TMTC1: variants seen among roughly 807,000 people sequenced by gnomAD.
TMTC1 encodes transmembrane O-mannosyltransferase targeting cadherins 1, also known as protein O-mannosyl-transferase TMTC1.
In TMTC1, 73 loss-of-function variants were observed where a neutral mutation model predicts 104.8. The observed-to-expected ratio is 0.70, with a 90% confidence interval of 0.58 to 0.85. The LOEUF (loss-of-function observed/expected upper bound fraction) is 0.85, where lower values mean the gene tolerates loss of function less well. Ranked by LOEUF, TMTC1 falls within the 40% of genes least tolerant of loss-of-function variation. The pLI is 0.00. For missense variants in TMTC1, 1,035 were observed against 1,096.1 expected, an observed-to-expected ratio of 0.94 and a Z score of 0.79; for synonymous variants, 434 against 428.7, an observed-to-expected ratio of 1.01 and a Z score of -0.15.
chr12:29,753,412 G>A (rs1565814770), intron 4 of TMTC1, among the ~76,000 whole-genome samples: 1 of 152,230 alleles, frequency 6.6e-6, no homozygotes, highest in South Asian at 2.1e-4. Context: ...TGGAAGCAAT[G>A]GTGCTCCGGG....
intron 10 of TMTC1, among the ~76,000 whole-genome samples, chr12:29,551,337 C>T (rs1410503133): frequency 6.6e-6 from 1 of 152,056 alleles, no homozygotes; most frequent in Non-Finnish European, 1.5e-5. Flanking sequence ...GAAACATATC[C>T]CTAGCACTTA....
intron 12 of TMTC1, chr12:29,519,856 T>C (rs1944099011): frequency 6.6e-6 from 1 of 152,252 alleles, no homozygotes; most frequent in Non-Finnish European, 1.5e-5. Flanking sequence ...GTAAATTTTA[T>C]ATTCTGTAAA....
chr12:29,576,910 T>A (rs1945839955), intron 8 of TMTC1, among the ~76,000 whole-genome samples: 1 of 152,176 alleles, frequency 6.6e-6, no homozygotes, highest in Non-Finnish European at 1.5e-5. Flanking sequence ...CTTAATTTTA[T>A]ACAATTAAAA....
chr12:29,741,705 T>C (rs1942831447), intron 5 of TMTC1, among the ~76,000 whole-genome samples: 1 of 152,088 alleles, frequency 6.6e-6, no homozygotes, highest in Non-Finnish European at 1.5e-5. Flanking sequence ...ATTGTTCAGG[T>C]TTTTCAAAAA....
intron 10 of TMTC1, among the ~76,000 whole-genome samples, chr12:29,545,660 C>CAT (rs1944922887): frequency 7.0e-6 from 1 of 143,180 alleles, no homozygotes; most frequent in African/African-American, 2.6e-5. Context: ...CACACACACA[C>CAT]ACACACACAC....
chr12:29,544,628 G>T (rs1244370161), intron 10 of TMTC1, among the ~76,000 whole-genome samples: 1 of 152,192 alleles, frequency 6.6e-6, no homozygotes, highest in East Asian at 1.9e-4. Context: ...GGCTGGTTCT[G>T]CGCATGGGGG....
chr12:29,661,729 C>A (rs968306011), intron 5 of TMTC1, among the ~76,000 whole-genome samples: 3 of 152,152 alleles, frequency 2.0e-5, no homozygotes, highest in Non-Finnish European at 2.9e-5. Context: ...AGCCACTGCA[C>A]CCACTCAGTT....
intron 2 of TMTC1, among the ~76,000 whole-genome samples, chr12:29,766,083 A>G (rs1397984334): frequency 2.0e-5 from 3 of 152,214 alleles, no homozygotes; most frequent in Admixed American, 1.3e-4. Flanking sequence ...GACTCACCAA[A>G]GGACTATTAC....
At chr12:29,525,824 C>T (rs912805752) in intron 11 of TMTC1, among the ~76,000 whole-genome samples, 12 of 152,166 alleles carry the variant, frequency 7.9e-5, no homozygotes, top group African/African-American at 2.9e-4. Flanking sequence ...AATCAGTTAC[C>T]TTTGCCTAAT....
At chr12:29,634,769 C>A (rs1938467856) in intron 5 of TMTC1, among the ~76,000 whole-genome samples, 1 of 152,212 alleles carries the variant, frequency 6.6e-6, no homozygotes, top group South Asian at 2.1e-4. Flanking sequence ...AAGTTTCTCC[C>A]TCATTTGTCA....
chr12:29,561,127 G>C (rs970493251), intron 9 of TMTC1, among the ~76,000 whole-genome samples: 1 of 151,740 alleles, frequency 6.6e-6, no homozygotes, highest in African/African-American at 2.4e-5. Flanking sequence ...TGAGGCTGCA[G>C]GGCGCTATGA....
chr12:29,554,359 G>GTT lies in TMTC1; in HGVS notation c.1676+2496_1676+2497dup, dbSNP rs140045877. On this transcript the variant is annotated intron_variant, in intron 10 of 17. Coordinates refer to ENST00000539277, the MANE Select transcript of TMTC1 (RefSeq NM_001193451.2). The stretch of plus-strand genomic sequence containing the variant: ...CATTATCAGTTGTTTTTCCTTTCTT[G>GTT]TTTTTTTTTTAATACACAATTAGTT... 7.4e-4 allele frequency among the ~76,000 whole-genome samples: 109 copies of GTT among 146,626 alleles called. 1 individual carries two copies. The highest frequency in any genetic ancestry group is 2.5e-3 in the African/African-American group (101 of 40,172).
intron 5 of TMTC1, among the ~76,000 whole-genome samples, chr12:29,718,797 G>C (rs1182397885): frequency 6.6e-6 from 1 of 151,966 alleles, no homozygotes; most frequent in African/African-American, 2.4e-5. Flanking sequence ...GCCACGAGTG[G>C]TGACGGGTGC....
chr12:29,623,827 A>T (rs1008981857), intron 6 of TMTC1, among the ~76,000 whole-genome samples: 7 of 146,334 alleles, frequency 4.8e-5, no homozygotes, highest in South Asian at 2.1e-4. Flanking sequence ...ATAAATAAAT[A>T]AATTAAATTA....
At chr12:29,713,825 T>G (rs1669542552) in intron 5 of TMTC1, among the ~76,000 whole-genome samples, 1 of 152,140 alleles carries the variant, frequency 6.6e-6, no homozygotes. Context: ...TCTCCCCAAA[T>G]TCATGTGCTG....
At chr12:29,675,762 G>A (rs750051508) in intron 5 of TMTC1, among the ~76,000 whole-genome samples, 26 of 152,194 alleles carry the variant, frequency 1.7e-4, no homozygotes, top group South Asian at 4.2e-4. Flanking sequence ...TCTCACCCAC[G>A]CTTTCCAGCT....
At position 29,643,456 on chromosome 12, in the gene TMTC1, A is replaced by ATATATATATATATCACATATATG. The variant is rs1565732694; in HGVS notation, c.939-10121_939-10120insCATATATGTGATATATATATATA. On this transcript the variant is annotated intron_variant, in intron 5 of 17. Transcript: ENST00000539277. Reference sequence around the variant, plus strand: ...ATATATATATATATATCACATATATATGATGGAATATATATATGATGGAAT... The same window carrying ATATATATATATATCACATATATG: ...ATATATATATATATATCACATATATATATATATATATATCACATATATGTGATGGAATATATATATGATGGAAT... Among the ~76,000 whole-genome samples, 506 of 57,604 alleles carry ATATATATATATATCACATATATG rather than the reference A, an allele frequency of 8.8e-3. 27 individuals are homozygous for ATATATATATATATCACATATATG. Among genetic ancestry groups the ATATATATATATATCACATATATG allele is most frequent in the African/African-American group, 0.04 (472 of 11,730 alleles). 37.8% of individuals were successfully genotyped at this position (57,604 alleles called of 152,430 possible).
At chr12:29,732,832 C>T (rs1042029915) in intron 5 of TMTC1, among the ~76,000 whole-genome samples, 5 of 152,060 alleles carry the variant, frequency 3.3e-5, no homozygotes, top group Non-Finnish European at 5.9e-5. Flanking sequence ...TCCCCACATC[C>T]CCTTTATGCA....
chr12:29,765,445 T>C (rs1943441713), intron 2 of TMTC1, among the ~76,000 whole-genome samples: 1 of 152,100 alleles, frequency 6.6e-6, no homozygotes, highest in South Asian at 2.1e-4. Flanking sequence ...CATACTTTCA[T>C]TGTATTTCCC....
Sources: allele counts gnomAD v4.1 joint callset (sites outside exome capture counted in the v4.1 genomes callset), GRCh38; gene constraint gnomAD v4.1.1; transcripts MANE v1.5; gene names NCBI Gene and HGNC (gene_info 2026-07-23, HGNC 2026-07-21).